SMYD3: variants seen among roughly 807,000 people sequenced by gnomAD.
The protein encoded by SMYD3 is SET and MYND domain containing 3.
A neutral mutation model predicts 57.7 loss-of-function variants in SMYD3; 36 were observed. That is an observed-to-expected ratio of 0.62 (90% CI 0.48 to 0.82). SMYD3 has a LOEUF of 0.82. Ranked by LOEUF, SMYD3 falls within the 40% of genes least tolerant of loss-of-function variation. SMYD3 has a pLI of 0.00. For missense variants in SMYD3, 515 were observed against 538.8 expected (o/e 0.96, Z 0.44); for synonymous variants, 211 against 195.0 (o/e 1.08, Z -0.68).
chr1:246,138,216 G>A (rs893937303), intron 5 of SMYD3, among the ~76,000 whole-genome samples: 5 of 152,122 alleles, frequency 3.3e-5, no homozygotes, highest in Admixed American at 1.3e-4. Flanking sequence ...ACTCCGCCCC[G>A]AGTGCTGCAC....
At chr1:246,241,495 A>G (rs1558342414) in intron 5 of SMYD3, among the ~76,000 whole-genome samples, 1 of 152,200 alleles carries the variant, frequency 6.6e-6, no homozygotes, top group Non-Finnish European at 1.5e-5. Context: ...TCGGTTTGCC[A>G]GTATTTTATT....
At chr1:246,176,949 C>T (rs1284972214) in intron 5 of SMYD3, among the ~76,000 whole-genome samples, 1 of 152,134 alleles carries the variant, frequency 6.6e-6, no homozygotes, top group Non-Finnish European at 1.5e-5. Flanking sequence ...AATCCCCAAA[C>T]TATAGACTTT....
rs1160924274 is a variant in SMYD3, at chr1:245,863,892, C to T, written c.814-6G>A. ...CCAGTTAGCATATCAGCATCCTGCT[C>T]AGGCCAGAAAAGGAAGACAAATAAT... On this transcript the variant is annotated splice_polypyrimidine_tract_variant and splice_region_variant and intron_variant, in intron 8 of 11. Transcript: ENST00000490107. The T allele has an allele frequency of 3.1e-6, 5 of 1,613,630 alleles. No individual in the cohort carries two copies. The highest frequency in any genetic ancestry group is 4.2e-6 in the Non-Finnish European group (5 of 1,179,688).
chr1:245,982,576 A>G (rs1001145799), intron 5 of SMYD3, among the ~76,000 whole-genome samples: 4 of 152,244 alleles, frequency 2.6e-5, no homozygotes, highest in African/African-American at 9.6e-5. Context: ...ATCTTAAAGT[A>G]ACATTTTCTA....
At chr1:245,830,325 C>G (rs146289372) in intron 10 of SMYD3, among the ~76,000 whole-genome samples, 1 of 152,148 alleles carries the variant, frequency 6.6e-6, no homozygotes, top group Admixed American at 6.5e-5. Context: ...AGCAAAGGCA[C>G]GTCCTACATG....
chr1:246,105,961 AAATTAAT>A, intron 5 of SMYD3, among the ~76,000 whole-genome samples: 1 of 152,338 alleles, frequency 6.6e-6, no homozygotes, highest in Middle Eastern at 3.4e-3. Context: ...CTGCAGCTGT[AAATTAAT>A]TGAATGAAAT....
chr1:246,448,707 A>ATT (rs2067586450), intron 1 of SMYD3, among the ~76,000 whole-genome samples: 3 of 146,844 alleles, frequency 2.0e-5, no homozygotes, highest in Non-Finnish European at 4.5e-5. Flanking sequence ...TTTTTTTTAA[A>ATT]AAAAAAAAAA....
chr1:245,869,179 G>C (rs1233109518), intron 8 of SMYD3, among the ~76,000 whole-genome samples: 1 of 151,802 alleles, frequency 6.6e-6, no homozygotes, highest in Admixed American at 6.5e-5. Flanking sequence ...TTTAGGGGAT[G>C]GAAACATTCA....
chr1:246,494,899 T>C (rs906141307), intron 1 of SMYD3, among the ~76,000 whole-genome samples: 2 of 152,244 alleles, frequency 1.3e-5, no homozygotes, highest in African/African-American at 2.4e-5. Flanking sequence ...GAATTATTTA[T>C]AGATATTATA....
At chr1:246,052,008 CA>C (rs2060074682) in intron 5 of SMYD3, among the ~76,000 whole-genome samples, 1 of 152,186 alleles carries the variant, frequency 6.6e-6, no homozygotes, top group Non-Finnish European at 1.5e-5. Context: ...ATCTTTCTTA[CA>C]AAAAGTCCAG....
At chr1:246,194,425 T>C (rs545459391) in intron 5 of SMYD3, among the ~76,000 whole-genome samples, 12 of 152,230 alleles carry the variant, frequency 7.9e-5, no homozygotes, top group African/African-American at 1.2e-4. Flanking sequence ...TGTGCCATCA[T>C]GCCCGGCTAA....
chr1:245,842,402 T>TA (rs2050448932), intron 10 of SMYD3, among the ~76,000 whole-genome samples: 1 of 151,688 alleles, frequency 6.6e-6, no homozygotes, highest in South Asian at 2.1e-4. Context: ...CCATTTTACT[T>TA]AACCTAGCTT....
At chr1:245,869,550 A>G (rs943680685) in intron 8 of SMYD3, among the ~76,000 whole-genome samples, 2 of 152,156 alleles carry the variant, frequency 1.3e-5, no homozygotes, top group African/African-American at 4.8e-5. Flanking sequence ...GCCTGTCTTT[A>G]TTTTAAACAG....
chr1:246,069,665 G>A (rs2060409109), intron 5 of SMYD3, among the ~76,000 whole-genome samples: 1 of 152,114 alleles, frequency 6.6e-6, no homozygotes, highest in Admixed American at 6.6e-5. Flanking sequence ...ACATCACCTC[G>A]AGCTTTTCAT....
At chr1:246,362,454 TCTCCCTCTCC>T (rs1259292171) in intron 1 of SMYD3, among the ~76,000 whole-genome samples, 5 of 17,178 alleles carry the variant, frequency 2.9e-4, no homozygotes, top group Non-Finnish European at 8.2e-4. Flanking sequence ...TCCCTCTCCC[TCTCCCTCTCC>T]ACGGTCTCCC....
rs776647280 is a variant in SMYD3 at position 245,959,147 on chromosome 1, A to ACAAC, written c.532-29211_532-29210insGTTG. 3.9e-5 allele frequency among the ~76,000 whole-genome samples: 5 copies of ACAAC among 128,134 alleles called. 1 individual carries two copies. The highest frequency in any genetic ancestry group is 1.3e-4 in the African/African-American group (5 of 39,340). 84.1% of individuals were successfully genotyped at this position (128,134 alleles called of 152,430 possible). On this transcript the variant is annotated intron_variant, in intron 5 of 11. Coordinates refer to ENST00000490107, the MANE Select transcript of SMYD3 (RefSeq NM_001167740.2). The stretch of plus-strand genomic sequence containing the variant: ...AAAAAACAAACAAACAAACAAACAA[A>ACAAC]AAACAAACAAACAAACTCTGGCCAG...
intron 1 of SMYD3, among the ~76,000 whole-genome samples, chr1:246,402,912 T>C (rs1013462425): frequency 5.9e-5 from 9 of 152,190 alleles, no homozygotes; most frequent in African/African-American, 2.2e-4. Context: ...TGAAAATAAA[T>C]TTTCAATCTA....
intron 5 of SMYD3, among the ~76,000 whole-genome samples, chr1:246,262,176 T>C (rs563838610): frequency 6.6e-6 from 1 of 151,882 alleles, no homozygotes; most frequent in Non-Finnish European, 1.5e-5. Flanking sequence ...TATAGAAGAG[T>C]GTATGATATT....
intron 11 of SMYD3, among the ~76,000 whole-genome samples, chr1:245,759,176 G>A (rs1367763511): frequency 6.6e-6 from 1 of 151,956 alleles, no homozygotes; most frequent in Non-Finnish European, 1.5e-5. Flanking sequence ...ACACACTCTT[G>A]GAACTATTAT....
Sources: gnomAD v4.1 joint callset for allele counts (sites outside exome capture counted in the v4.1 genomes callset) on GRCh38, gnomAD v4.1.1 for gene constraint, MANE v1.5 for transcripts, NCBI Gene and HGNC (gene_info 2026-07-23, HGNC 2026-07-21) for gene names.